The following TCF7L2 variants were observed in gnomAD, a reference collection of about 807,000 sequenced individuals.
TCF7L2 encodes transcription factor 7 like 2.
In TCF7L2, 23 loss-of-function variants were observed where a neutral mutation model predicts 77.9. That is an observed-to-expected ratio of 0.30 (90% confidence interval 0.21 to 0.42). TCF7L2 has a LOEUF of 0.42. TCF7L2 is among the 10% of genes least tolerant of loss of function. TCF7L2 has a pLI of 1.00. For synonymous variants in TCF7L2, 413 were observed against 340.2 expected (o/e 1.21, Z -2.36); for missense variants, 654 against 793.1 (o/e 0.82, Z 2.11).
chr10:113,023,031 G>T (rs55972445), intron 4 of TCF7L2, among the ~76,000 whole-genome samples: 25,141 of 152,194 alleles, frequency 0.17, 2,572 homozygotes, highest in Middle Eastern at 0.32. Flanking sequence ...TTAGTGGAGT[G>T]GGGGCTCAGT....
chr10:112,966,177 AATATATTTAT>A lies in TCF7L2; in HGVS notation c.450+1560_450+1569del, dbSNP rs1554876795. Among the ~76,000 whole-genome samples, 2 of 45,126 alleles carry A rather than the reference AATATATTTAT, an allele frequency of 4.4e-5. 1 individual carries two copies. The highest frequency in any genetic ancestry group is 2.6e-4 in the African/African-American group (2 of 7,592). The allele number at this position is 45,126 out of a possible 152,430, so 29.6% of individuals were successfully genotyped here. A position where few individuals can be genotyped will look rare whatever the true frequency, so the allele number is the denominator to read the frequency against. ...GTGACAAGAGTGAGACTCTGTCTAA[AATATATTTAT>A]ATATATATATATATATATATATATT... is the stretch of plus-strand genomic sequence containing the variant. On this transcript the variant is annotated intron_variant, in intron 4 of 13. Transcript: ENST00000627217.
intron 3 of TCF7L2, 111 bp downstream of exon 3, chr10:112,951,718 C>T (rs867607353): frequency 2.3e-6 from 1 of 429,316 alleles, no homozygotes; most frequent in Non-Finnish European, 3.1e-6. Flanking sequence ...CTCCCCGCCT[C>T]CTCCCCTCCC....
At chr10:113,144,100 CTGTGTGTGTGTGTGTGTGTGTG>C (rs3830991) in intron 7 of TCF7L2, 75 bp downstream of exon 7, 18 of 653,346 alleles carry the variant, frequency 2.8e-5, no homozygotes, top group East Asian at 6.6e-5. Flanking sequence ...GTGTGTGTGT[CTGTGTGTGTGTGTGTGTGTGTG>C]TGTGTGTGTG....
At chr10:113,053,182 G>A (rs1262373175) in intron 5 of TCF7L2, among the ~76,000 whole-genome samples, 2 of 152,182 alleles carry the variant, frequency 1.3e-5, no homozygotes, top group African/African-American at 4.8e-5. Flanking sequence ...GGACGTCTGT[G>A]TGGAATAAGT....
intron 4 of TCF7L2, among the ~76,000 whole-genome samples, chr10:113,014,829 C>T (rs980598657): frequency 3.9e-5 from 6 of 152,172 alleles, no homozygotes; most frequent in African/African-American, 1.4e-4. Flanking sequence ...AAGGAGATTT[C>T]CTCCTTCTGT....
intron 13 of TCF7L2, chr10:113,161,087 G>A: frequency 4.0e-6 from 1 of 248,170 alleles, no homozygotes. Context: ...GGCAGCAATT[G>A]CATTCCCGTG....
chr10:113,070,869 G>A (rs1409109651), intron 5 of TCF7L2, among the ~76,000 whole-genome samples: 7 of 152,146 alleles, frequency 4.6e-5, no homozygotes, highest in South Asian at 4.2e-4. Flanking sequence ...TGCGAGCATC[G>A]TCACAGTCAA....
At chr10:113,092,000 A>G (rs1233222540) in intron 5 of TCF7L2, among the ~76,000 whole-genome samples, 1 of 152,184 alleles carries the variant, frequency 6.6e-6, no homozygotes, top group Non-Finnish European at 1.5e-5. Context: ...AGATGATATG[A>G]ATATAGCTAT....
rs375007037 is a variant in TCF7L2 at position 112,964,811 on chromosome 10, GT to G, written c.450+188del. 0.03 allele frequency among the ~76,000 whole-genome samples: 2,638 copies of G among 88,156 alleles called. 206 individuals are homozygous for G. Among genetic ancestry groups the G allele is most frequent in the African/African-American group, 0.14 (2,488 of 17,622 alleles). The allele number at this position is 88,156 out of a possible 152,430, so 57.8% of individuals were successfully genotyped here. Reference sequence around the variant, plus strand: ...GGTGGTGATGGTGGTGGTGGTGGTGGTGGGGGGGGGTTGAATCACTGGGGGA... The same window carrying G: ...GGTGGTGATGGTGGTGGTGGTGGTGGGGGGGGGGGTTGAATCACTGGGGGA... On this transcript the variant is annotated intron_variant, in intron 4 of 13. Coordinates refer to ENST00000627217, the MANE Select transcript of TCF7L2 (RefSeq NM_001146274.2).
chr10:113,003,179 T>C (rs1590256014), intron 4 of TCF7L2, among the ~76,000 whole-genome samples: 1 of 152,226 alleles, frequency 6.6e-6, no homozygotes, highest in South Asian at 2.1e-4. Flanking sequence ...CAAGTCGGCC[T>C]TCTCCAATAA....
intron 5 of TCF7L2, among the ~76,000 whole-genome samples, chr10:113,053,687 C>G (rs2054853745): frequency 1.3e-5 from 2 of 152,124 alleles, no homozygotes; most frequent in Non-Finnish European, 2.9e-5. Flanking sequence ...AGAACTGATG[C>G]CTTGAGAAAT....
intron 5 of TCF7L2, among the ~76,000 whole-genome samples, chr10:113,057,247 G>A (rs1336477966): frequency 6.6e-6 from 1 of 152,184 alleles, no homozygotes; most frequent in Non-Finnish European, 1.5e-5. Flanking sequence ...ATATACTTCT[G>A]CAACTTCAGC....
intron 11 of TCF7L2, chr10:113,157,814 C>T (rs997813759): frequency 8.6e-5 from 46 of 534,694 alleles, no homozygotes; most frequent in Non-Finnish European, 1.4e-4. Flanking sequence ...TCTCTGCTCC[C>T]AAGAAGCGTG....
At chr10:113,023,982 A>G (rs1564796242) in intron 4 of TCF7L2, among the ~76,000 whole-genome samples, 1 of 151,796 alleles carries the variant, frequency 6.6e-6, no homozygotes, top group African/African-American at 2.4e-5. Flanking sequence ...GCAGGTCACT[A>G]TCAGTGGGTC....
intron 5 of TCF7L2, among the ~76,000 whole-genome samples, chr10:113,056,956 G>T (rs1375320552): frequency 6.6e-6 from 1 of 152,192 alleles, no homozygotes; most frequent in Non-Finnish European, 1.5e-5. Context: ...TCCAGGAAGC[G>T]TGCAGAAATA....
At chr10:113,077,702 CT>C (rs34093384) in intron 5 of TCF7L2, among the ~76,000 whole-genome samples, 135 of 134,076 alleles carry the variant, frequency 1.0e-3, no homozygotes, top group Non-Finnish European at 1.3e-3. Context: ...TTCTTTTCTT[CT>C]TTTTTTTTTT....
At chr10:113,062,327 A>T (rs1265724623) in intron 5 of TCF7L2, among the ~76,000 whole-genome samples, 1 of 152,140 alleles carries the variant, frequency 6.6e-6, no homozygotes, top group Non-Finnish European at 1.5e-5. Context: ...AGAAGTTCCT[A>T]GTGCCTGCTT....
intron 3 of TCF7L2, among the ~76,000 whole-genome samples, chr10:112,963,725 T>A (rs2035864918): frequency 6.6e-6 from 1 of 152,224 alleles, no homozygotes; most frequent in South Asian, 2.1e-4. Flanking sequence ...GGGTGAACAA[T>A]CTTGCTCTTC....
chr10:112,983,323 T>C (rs923481844), intron 4 of TCF7L2, among the ~76,000 whole-genome samples: 38 of 151,768 alleles, frequency 2.5e-4, no homozygotes, highest in Non-Finnish European at 1.2e-4. Context: ...TACAAAAAAT[T>C]AGCAGGGCAT....
Sources: gnomAD v4.1 joint callset for allele counts (sites outside exome capture counted in the v4.1 genomes callset) on GRCh38, gnomAD v4.1.1 for gene constraint, MANE v1.5 for transcripts, NCBI Gene and HGNC (gene_info 2026-07-23, HGNC 2026-07-21) for gene names.